Variants in SETD1B observed in about 807,000 individuals in gnomAD.
The protein encoded by SETD1B is SET domain containing 1B, histone lysine methyltransferase.
SETD1B carries 7 observed loss-of-function variants against 148.0 expected under a neutral mutation model. The ratio of observed to expected loss-of-function variants is 0.05; its 90% CI spans 0.03 to 0.09. SETD1B has a LOEUF of 0.09. Among genes scored for constraint, SETD1B ranks in the 10% least tolerant of loss-of-function variants. The pLI is 1.00. For synonymous variants in SETD1B, 1,361 were observed against 1,186.5 expected (o/e 1.15, Z -3.02); for missense variants, 2,155 against 2,729.9 (o/e 0.79, Z 4.69).
the SETD1B span, chr12:121,797,368 C>T: frequency 4.5e-6 from 2 of 440,592 alleles, no homozygotes; most frequent in Non-Finnish European, 9.2e-6. Context: ...GGCCCCGCCC[C>T]GCGTTCGCTG....
chr12:121,809,172 C>G (rs1875889159), intron 5 of SETD1B, among the ~76,000 whole-genome samples: 1 of 152,214 alleles, frequency 6.6e-6, no homozygotes, highest in Non-Finnish European at 1.5e-5. Flanking sequence ...CCACGCCTGG[C>G]CTCTGTTTAT....
chr12:121,819,905 G>A lies in SETD1B; in HGVS notation c.3910+10G>A. Reference sequence around the variant, plus strand: ...CCTGAGCGAGCTCCAGGTAACACCTGCAACCCCCTGGGAGGGTGGTGGGAG... The same window carrying A: ...CCTGAGCGAGCTCCAGGTAACACCTACAACCCCCTGGGAGGGTGGTGGGAG... On this transcript the variant is annotated intron_variant, in intron 11 of 16. Coordinates refer to ENST00000604567, the MANE Select transcript of SETD1B (RefSeq NM_001353345.2). The A allele has an allele frequency of 6.5e-7, 1 of 1,547,080 alleles. No homozygotes were observed.
At chr12:121,791,339 T>G in the SETD1B span, among the ~76,000 whole-genome samples, 1 of 152,226 alleles carries the variant, frequency 6.6e-6, no homozygotes, top group African/African-American at 2.4e-5. Flanking sequence ...TTGGGCAGGC[T>G]GGTGGACATC....
chr12:121,811,319 A>C (rs1876022928), intron 6 of SETD1B, among the ~76,000 whole-genome samples: 1 of 150,472 alleles, frequency 6.6e-6, no homozygotes, highest in Admixed American at 6.6e-5. Flanking sequence ...GCCCCGGAGC[A>C]TTGTCTCCTA....
chr12:121,809,634 GAGGCCTGTCTGC>G lies in SETD1B; in HGVS notation c.694_705del (p.Leu232_Gly235del). The G allele has an allele frequency of 6.4e-7, 1 of 1,551,170 alleles. No homozygotes were observed. The highest frequency in any genetic ancestry group is 8.7e-7 in the Non-Finnish European group (1 of 1,146,748). On this transcript the variant is annotated inframe_deletion, in exon 6 of 17. Coordinates refer to ENST00000604567, the MANE Select transcript of SETD1B (RefSeq NM_001353345.2). ...GATGCCCTGAAGCGCCTCAAGGATGGAGGCCTGTCTGCAGGCTGTGGCTCCGGCTCCTCCTCT... is the reference window on the plus strand; with the variant it reads ...GATGCCCTGAAGCGCCTCAAGGATGGAGGCTGTGGCTCCGGCTCCTCCTCT...
chr12:121,814,143 A>G lies in SETD1B; in HGVS notation c.1928A>G (p.Asp643Gly). ...QSSGEDMEIS[D>G]DEMPSAPITS... ...TCAGGCGAGGACATGGAGATCTCGG[A>G]TGACGAGATGCCCTCGGCCCCCATC... The change falls in exon 7 of 17, where the codon GAT (aspartate) becomes GGT (glycine). Residue 643 changes from aspartate (D) to glycine (G), a missense_variant. Asp to Gly is a moderately conservative substitution (Grantham distance 94, BLOSUM62 -1). Coordinates refer to ENST00000604567, the MANE Select transcript of SETD1B (RefSeq NM_001353345.2). 6.5e-7 allele frequency: 1 copy of G among 1,548,736 alleles called. No homozygotes were observed. The highest frequency in any genetic ancestry group is 8.7e-7 in the Non-Finnish European group (1 of 1,146,620).
chr12:121,793,684 A>G, the SETD1B span: 2 of 1,461,160 alleles, frequency 1.4e-6, no homozygotes, highest in South Asian at 1.3e-5. Context: ...TAGCGGAGCC[A>G]AGAGGTCGGG....
chr12:121,801,066 C>T (rs943259573), upstream of SETD1B: 2 of 151,936 alleles, frequency 1.3e-5, no homozygotes, highest in Non-Finnish European at 2.9e-5. Flanking sequence ...ACAGCAGCTC[C>T]GGGCTGCGGG....
At position 121,816,955 on chromosome 12, in the gene SETD1B, C is replaced by T. The variant is rs1876318936; in HGVS notation, c.2716-78C>T. 15 of 1,320,748 alleles carry T rather than the reference C, an allele frequency of 1.1e-5. No homozygotes were observed. In the East Asian group the frequency reaches 3.3e-4, roughly 29 times the overall value. The allele number at this position is 1,320,748 out of a possible 1,614,324, so 81.8% of individuals were successfully genotyped here. ...GTGGCTGTTACTGCCGAGTGGAAGGCAGGTAGCCTGGGGAGGGCTCCCTGC... is the reference window on the plus strand; with the variant it reads ...GTGGCTGTTACTGCCGAGTGGAAGGTAGGTAGCCTGGGGAGGGCTCCCTGC... On this transcript the variant is annotated intron_variant, in intron 7 of 16. Coordinates refer to ENST00000604567, the MANE Select transcript of SETD1B (RefSeq NM_001353345.2).
In SETD1B at chr12:121,817,436, A is replaced by C; in HGVS notation, c.3044A>C (p.Lys1015Thr). Residue 1015 changes from lysine to threonine, a missense_variant, in exon 9 of 17, where the codon AAG (lysine) becomes ACG (threonine). Lys to Thr is a moderately conservative substitution (Grantham distance 78). This residue lies in a region of SETD1B where 289 missense variants were observed against 423.7 expected (regional missense o/e 0.68). Transcript: ENST00000604567. This position sits in a 1 kb window ranked among gnomAD's most constrained non-coding sequence, Gnocchi z 8.1. ...TGTGAGCTCGCCAAGCGGGACCCCA[A>C]GGGCGTGGGTGTGCGGCGGCGGCCG... ...TPCELAKRDP[K>T]GVGVRRRPAR... is the part of the protein sequence containing the mutation. The C allele has an allele frequency of 6.5e-7, 1 of 1,544,562 alleles. No homozygotes were observed. The highest frequency in any genetic ancestry group is 8.8e-7 in the Non-Finnish European group (1 of 1,141,956).
the SETD1B span, chr12:121,793,746 G>A: frequency 3.1e-6 from 3 of 966,560 alleles, no homozygotes; most frequent in Non-Finnish European, 4.2e-6. Flanking sequence ...CGCCGCCTCC[G>A]CCAGGCAGCC....
the SETD1B span, among the ~76,000 whole-genome samples, chr12:121,794,782 C>A: frequency 1.1e-4 from 1 of 9,022 alleles, no homozygotes; most frequent in South Asian, 0.026. Context: ...GCAGAGGGAC[C>A]CCCCCCTGGA....
In SETD1B at chr12:121,823,137, G is replaced by A; in HGVS notation, c.4558G>A (p.Gly1520Ser). 4.6e-6 allele frequency: 7 copies of A among 1,537,044 alleles called. No homozygotes were observed. Among genetic ancestry groups the A allele is most frequent in the Non-Finnish European group, 6.1e-6 (7 of 1,145,764 alleles). Residue 1520 changes from glycine (G) to serine (S), a missense_variant, in exon 12 of 17, where the codon GGC (glycine) becomes AGC (serine). Physicochemically the swap from Gly to Ser is moderately conservative, Grantham distance 56. Transcript: ENST00000604567. The part of the protein sequence containing the change: ...SCPPPMKRKP[G>S]RPRRSPPSML... Reference sequence around the variant, plus strand: ...CCCTCCCCCAATGAAGAGGAAGCCGGGCCGGCCCCGGCGATCCCCACCATC... The same window carrying A: ...CCCTCCCCCAATGAAGAGGAAGCCGAGCCGGCCCCGGCGATCCCCACCATC...
At chr12:121,793,764 C>G in the SETD1B span, 1 of 774,458 alleles carries the variant, frequency 1.3e-6, no homozygotes, top group Non-Finnish European at 1.9e-6. Flanking sequence ...GCCTCCCGGC[C>G]GACCTCCCAG....
Position 121,819,509 on chromosome 12 carries a change from C to G in SETD1B, c.3524C>G (p.Ser1175Trp), listed in dbSNP as rs747779324. ...AGCTCCGAGTCCTCGCCCTCATCCT[C>G]GGAGGATGAGGAGGAGGTAGTGGCC... is the stretch of plus-strand genomic sequence containing the variant. ...ESSSESSPSS[S>W]EDEEEVVARE... Residue 1175 changes from serine to tryptophan, a missense_variant, in exon 11 of 17, where the codon TCG (serine) becomes TGG (tryptophan). Physicochemically the swap from Ser to Trp is radical, Grantham distance 177. This residue lies in a region of SETD1B where 862 missense variants were observed against 873.8 expected (regional missense o/e 0.99). Coordinates refer to ENST00000604567, the MANE Select transcript of SETD1B (RefSeq NM_001353345.2). The G allele has an allele frequency of 1.3e-6, 2 of 1,552,222 alleles. No individual in the cohort carries two copies. The highest frequency in any genetic ancestry group is 4.9e-5 in the East Asian group (2 of 40,916).
In SETD1B at chr12:121,823,095, G is replaced by A. The variant is rs758630079; in HGVS notation, c.4516G>A (p.Ala1506Thr). Residue 1506 changes from alanine to threonine, a missense_variant, in exon 12 of 17, where the codon GCC (alanine) becomes ACC (threonine). Around this residue, in one of 11 missense-constraint regions of SETD1B, gnomAD observed 862 missense variants for 873.8 expected, o/e 0.99. Coordinates refer to ENST00000604567, the MANE Select transcript of SETD1B (RefSeq NM_001353345.2). ...APTPLPPLLP[A>T]PLASCPPPMK... The stretch of plus-strand genomic sequence containing the variant: ...CACCCCGCTGCCACCCCTGCTGCCC[G>A]CCCCCCTGGCCTCTTGCCCTCCCCC... 5.2e-5 allele frequency: 15 copies of A among 286,954 alleles called. No homozygotes were observed. In the East Asian group the frequency reaches 1.1e-3, roughly 21 times the overall value. 17.8% of individuals were successfully genotyped at this position (286,954 alleles called of 1,614,324 possible). A position where few individuals can be genotyped will look rare whatever the true frequency, so the allele number is the denominator to read the frequency against.
Position 121,831,775 on chromosome 12 carries a change from C to G in SETD1B, c.*1536C>G, listed in dbSNP as rs1242477080. ...GGGAGCTGCTCCCACCCTGCGGACGCAGGCGGCCGGAGCCTCTGGTATCTC... is the reference window on the plus strand; with the variant it reads ...GGGAGCTGCTCCCACCCTGCGGACGGAGGCGGCCGGAGCCTCTGGTATCTC... On this transcript the variant is annotated 3_prime_UTR_variant, in exon 17 of 17. Coordinates refer to ENST00000604567, the MANE Select transcript of SETD1B (RefSeq NM_001353345.2). 1 of 152,254 alleles carries G rather than the reference C, an allele frequency of 6.6e-6. No homozygotes were observed. Among genetic ancestry groups the G allele is most frequent in the South Asian group, 2.1e-4 (1 of 4,832 alleles). 9.4% of individuals were successfully genotyped at this position (152,254 alleles called of 1,614,324 possible). A position where few individuals can be genotyped will look rare whatever the true frequency, so the allele number is the denominator to read the frequency against.
rs146142104 is a variant in SETD1B at position 121,814,116 on chromosome 12, C to T, written c.1901C>T (p.Ser634Phe). Residue 634 changes from serine (S) to phenylalanine (F), a missense_variant, in exon 7 of 17, where the codon TCC (serine) becomes TTC (phenylalanine). Transcript: ENST00000604567. ...CTGCTCTCTCTGCAGGGCCAGCAGT[C>T]CTCAGGCGAGGACATGGAGATCTCG... ...TSEKMDEGQQ[S>F]SGEDMEISDD... is the part of the protein sequence containing the mutation. The T allele has an allele frequency of 3.2e-6, 5 of 1,548,742 alleles. No individual in the cohort carries two copies. Among genetic ancestry groups the T allele is most frequent in the East Asian group, 2.4e-5 (1 of 40,870 alleles).
chr12:121,823,256 C>T lies in SETD1B; in HGVS notation c.4677C>T (p.Pro1559=), dbSNP rs758747605. ...TCCTGCCGGGCCAGCCACAGACCCC[C>T]GTCTTCCCCAGCACCCATGACCCCC... is the stretch of plus-strand genomic sequence containing the variant. The part of the protein sequence containing the change: ...LLLLPGQPQT[P]VFPSTHDPRT... The change falls in exon 12 of 17, where the codon CCC becomes CCT. Residue 1559 remains proline (P), a synonymous_variant. Coordinates refer to ENST00000604567, the MANE Select transcript of SETD1B (RefSeq NM_001353345.2). 90 of 1,549,876 alleles carry T rather than the reference C, an allele frequency of 5.8e-5. No homozygotes were observed. Among genetic ancestry groups the T allele is most frequent in the Middle Eastern group, 1.7e-4 (1 of 6,014 alleles).
Sources: gnomAD v4.1 joint callset for allele counts (sites outside exome capture counted in the v4.1 genomes callset) on GRCh38, gnomAD v4.1.1 for gene constraint, gnomAD v4.1.1 regional missense constraint, Gnocchi (gnomAD v3.1) non-coding constraint, MANE v1.5 for transcripts, NCBI Gene and HGNC (gene_info 2026-07-23, HGNC 2026-07-21) for gene names.